The following ADAMTS18 variants were observed in gnomAD, a reference collection of about 807,000 sequenced individuals.
ADAMTS18 encodes A disintegrin and metalloproteinase with thrombospondin motifs 18.
In ADAMTS18, 157 loss-of-function variants were observed where a neutral mutation model predicts 165.9. The ratio of observed to expected loss-of-function variants is 0.95; its 90% CI spans 0.83 to 1.08. The LOEUF (loss-of-function observed/expected upper bound fraction) is 1.08. Among genes scored for constraint, ADAMTS18 ranks in the 50% least tolerant of loss-of-function variants. The pLI is 0.00. For synonymous variants in ADAMTS18, 782 were observed against 578.2 expected, an observed-to-expected ratio of 1.35 and a Z score of -5.06; for missense variants, 2,040 against 1,534.0, an observed-to-expected ratio of 1.33 and a Z score of -5.51.
intron 2 of ADAMTS18, among the ~76,000 whole-genome samples, chr16:77,433,850 G>A (rs2057766243): frequency 1.3e-5 from 2 of 152,082 alleles, no homozygotes; most frequent in African/African-American, 4.8e-5. Flanking sequence ...GTTTGTGGCT[G>A]GCGAACGTCA....
At chr16:77,370,319 C>T (rs2056858245) in intron 3 of ADAMTS18, among the ~76,000 whole-genome samples, 1 of 152,114 alleles carries the variant, frequency 6.6e-6, no homozygotes, top group Non-Finnish European at 1.5e-5. Flanking sequence ...ATAACATGAT[C>T]TTATAAAGAG....
chr16:77,306,925 T>A (rs189742481), intron 16 of ADAMTS18, among the ~76,000 whole-genome samples: 1 of 152,174 alleles, frequency 6.6e-6, no homozygotes, highest in Non-Finnish European at 1.5e-5. Context: ...ACATTGCCTC[T>A]CAAGCTTTGA....
chr16:77,377,735 T>C (rs1161800117), intron 3 of ADAMTS18, among the ~76,000 whole-genome samples: 1 of 152,206 alleles, frequency 6.6e-6, no homozygotes, highest in East Asian at 1.9e-4. Flanking sequence ...TAAAAAATGC[T>C]CTTACCTCAG....
intron 16 of ADAMTS18, among the ~76,000 whole-genome samples, chr16:77,303,735 TAA>T (rs1182574878): frequency 7.2e-5 from 11 of 152,194 alleles, no homozygotes; most frequent in African/African-American, 2.6e-4. Context: ...TTATTTGGGT[TAA>T]AAATCAAGTG....
chr16:77,337,872 T>C (rs76175416), intron 11 of ADAMTS18, among the ~76,000 whole-genome samples: 13,229 of 151,760 alleles, frequency 0.087, 796 homozygotes, highest in East Asian at 0.27. Flanking sequence ...TTAGAATATA[T>C]ACACCTGTAA....
At chr16:77,374,570 T>G (rs2144758041) in intron 3 of ADAMTS18, among the ~76,000 whole-genome samples, 1 of 152,138 alleles carries the variant, frequency 6.6e-6, no homozygotes, top group South Asian at 2.1e-4. Context: ...GAAAAAAAAG[T>G]GAATTATCCC....
At chr16:77,334,812 C>CTGTATACTAT (rs1567492135) in intron 12 of ADAMTS18, among the ~76,000 whole-genome samples, 4 of 115,852 alleles carry the variant, frequency 3.5e-5, no homozygotes, top group African/African-American at 1.4e-4. Context: ...CTATAGTATA[C>CTGTATACTAT]AGTATATATA....
At chr16:77,307,900 C>A (rs536806345) in intron 16 of ADAMTS18, among the ~76,000 whole-genome samples, 1 of 152,202 alleles carries the variant, frequency 6.6e-6, no homozygotes, top group African/African-American at 2.4e-5. Flanking sequence ...GGTGCTCACA[C>A]TGTCATCTCA....
At chr16:77,316,594 T>C (rs773292977) in intron 16 of ADAMTS18, among the ~76,000 whole-genome samples, 2 of 152,208 alleles carry the variant, frequency 1.3e-5, no homozygotes, top group Non-Finnish European at 2.9e-5. Flanking sequence ...CCTCAATACT[T>C]TCTTTTCTGA....
Position 77,291,266 on chromosome 16 carries a change from C to G in ADAMTS18, c.3402G>C (p.Gln1134His), listed in dbSNP as rs146829994. Reference sequence around the variant, plus strand: ...ACCTCCTCAATCGGCCTGTACCCACCTGCTGCCACGGCAATGAATACCATC... The same window carrying G: ...ACCTCCTCAATCGGCCTGTACCCACGTGCTGCCACGGCAATGAATACCATC... ...VAGWYSLPWQ[Q>H]CTVTCGGGVQ... is the part of the protein sequence containing the mutation. The change falls in exon 21 of 23, where the codon CAG (glutamine) becomes CAC (histidine). Residue 1134 changes from glutamine to histidine, a missense_variant and splice_region_variant. Transcript: ENST00000282849. 6.2e-7 allele frequency: 1 copy of G among 1,613,982 alleles called. No individual in the cohort carries two copies. The highest frequency in any genetic ancestry group is 2.2e-5 in the East Asian group (1 of 44,870).
chr16:77,361,955 A>G (rs976592691), intron 7 of ADAMTS18, 150 bp downstream of exon 7: 1 of 887,426 alleles, frequency 1.1e-6, no homozygotes, highest in Admixed American at 2.2e-5. Flanking sequence ...AAAAAGAACA[A>G]TAGTCACCAC....
intron 3 of ADAMTS18, among the ~76,000 whole-genome samples, chr16:77,418,977 C>G (rs1397417957): frequency 1.3e-5 from 2 of 152,050 alleles, no homozygotes; most frequent in South Asian, 4.1e-4. Flanking sequence ...GGTGAAACAC[C>G]GTCTCTACTA....
chr16:77,304,541 T>C (rs1414741297), intron 16 of ADAMTS18, among the ~76,000 whole-genome samples: 1 of 152,214 alleles, frequency 6.6e-6, no homozygotes, highest in African/African-American at 2.4e-5. Context: ...TGTTACACTG[T>C]GTTTCCCACA....
intron 3 of ADAMTS18, among the ~76,000 whole-genome samples, chr16:77,430,298 T>C (rs531076962): frequency 6.6e-6 from 1 of 152,320 alleles, no homozygotes; most frequent in Admixed American, 6.5e-5. Context: ...GTGATTGTGG[T>C]TGTAATGAAA....
intron 3 of ADAMTS18, among the ~76,000 whole-genome samples, chr16:77,374,852 T>C (rs915327026): frequency 1.3e-5 from 2 of 152,064 alleles, no homozygotes; most frequent in Non-Finnish European, 2.9e-5. Flanking sequence ...AGGACAAAAA[T>C]CTAGAAGAAT....
At chr16:77,356,627 CA>C (rs1455014343) in intron 8 of ADAMTS18, among the ~76,000 whole-genome samples, 1 of 128,184 alleles carries the variant, frequency 7.8e-6, no homozygotes, top group Non-Finnish European at 1.9e-5. Flanking sequence ...TTATAATAAA[CA>C]TTTTTTTAAC....
chr16:77,321,156 G>C lies in ADAMTS18; in HGVS notation c.2210C>G (p.Ala737Gly), dbSNP rs1193075641. 1 of 1,614,024 alleles carries C rather than the reference G, an allele frequency of 6.2e-7. No individual in the cohort carries two copies. Among genetic ancestry groups the C allele is most frequent in the African/African-American group, 1.3e-5 (1 of 74,900 alleles). ...HELGSKAVSD[A>G]CGVCKGDNST... ...ATTATCACCTTTGCAAACGCCACAA[G>C]CATCTGAAACTGCTTTAGAGCCTAG... The change falls in exon 15 of 23, where the codon GCT (alanine) becomes GGT (glycine). Residue 737 changes from alanine (A) to glycine (G), a missense_variant. Physicochemically the swap from Ala to Gly is moderately conservative, Grantham distance 60. Coordinates refer to ENST00000282849, the MANE Select transcript of ADAMTS18 (RefSeq NM_199355.4).
At chr16:77,415,491 C>A (rs967785294) in intron 3 of ADAMTS18, among the ~76,000 whole-genome samples, 1 of 152,170 alleles carries the variant, frequency 6.6e-6, no homozygotes, top group Non-Finnish European at 1.5e-5. Context: ...CTTCCATCCT[C>A]TTTGCTAACC....
At chr16:77,398,552 C>G (rs1372707715) in intron 3 of ADAMTS18, among the ~76,000 whole-genome samples, 2 of 152,134 alleles carry the variant, frequency 1.3e-5, no homozygotes, top group Non-Finnish European at 2.9e-5. Flanking sequence ...ACTTTGGTAA[C>G]GACCATTTTA....
Sources: allele counts gnomAD v4.1 joint callset (sites outside exome capture counted in the v4.1 genomes callset), GRCh38; gene constraint gnomAD v4.1.1; transcripts MANE v1.5; gene names NCBI Gene and HGNC (gene_info 2026-07-23, HGNC 2026-07-21).